The following KIRREL3 variants were observed in gnomAD, a reference collection of about 807,000 sequenced individuals.
KIRREL3 encodes kin of IRRE-like protein 3.
Under a neutral mutation model 89.7 loss-of-function variants are expected in KIRREL3, and 36 were observed. The ratio of observed to expected loss-of-function variants is 0.40; its 90% CI spans 0.31 to 0.53. KIRREL3 has a LOEUF of 0.53. KIRREL3 is among the 20% of genes least tolerant of loss of function. KIRREL3 has a pLI of 0.49. For missense variants in KIRREL3, 864 were observed against 1,056.6 expected, an observed-to-expected ratio of 0.82 and a Z score of 2.53; for synonymous variants, 445 against 441.4, an observed-to-expected ratio of 1.01 and a Z score of -0.10.
rs1248068471 is a variant in KIRREL3 at position 126,578,392 on chromosome 11, G to T, written c.56-15480C>A. 6.6e-6 allele frequency among the ~76,000 whole-genome samples: 1 copy of T among 152,198 alleles called. No individual in the cohort carries two copies. The highest frequency in any genetic ancestry group is 1.5e-5 in the Non-Finnish European group (1 of 68,042). On this transcript the variant is annotated intron_variant, in intron 1 of 16. Coordinates refer to ENST00000525144, the MANE Select transcript of KIRREL3 (RefSeq NM_032531.4). The surrounding 1 kb of genome is among the most constrained non-coding windows in gnomAD (Gnocchi z 4.9). ...ATTGGAAGAGATCCTTGGTTCACAC[G>T]CTAGGAAAGAAAAGGGATGATCTTG...
rs115352660 is a variant in KIRREL3, at chr11:126,802,650, C to G, written c.55+197805G>C. Among the ~76,000 whole-genome samples, 4,737 of 152,222 alleles carry G rather than the reference C, an allele frequency of 0.031. 233 individuals are homozygous for G. The highest frequency in any genetic ancestry group is 0.11 in the African/African-American group (4,455 of 41,528). On this transcript the variant is annotated intron_variant, in intron 1 of 16. Coordinates refer to ENST00000525144, the MANE Select transcript of KIRREL3 (RefSeq NM_032531.4). The surrounding 1 kb of genome is among the most constrained non-coding windows in gnomAD (Gnocchi z 5.2). ...CTGTCGGGGGCTGGCTCCCGCCTGG[C>G]ACCCTGAGCTGCTGGGACAGGCTCT...
At chr11:126,716,623 C>T (rs1947971042) in intron 1 of KIRREL3, among the ~76,000 whole-genome samples, 1 of 152,044 alleles carries the variant, frequency 6.6e-6, no homozygotes, top group South Asian at 2.1e-4. Flanking sequence ...CTGTGAAAAC[C>T]TGGGCCTCCA....
Position 126,427,461 on chromosome 11 carries a change from A to G in KIRREL3, c.1806+1718T>C, listed in dbSNP as rs888122621. 2.0e-5 allele frequency among the ~76,000 whole-genome samples: 3 copies of G among 152,260 alleles called. No homozygotes were observed. The highest frequency in any genetic ancestry group is 4.4e-5 in the Non-Finnish European group (3 of 68,052). On this transcript the variant is annotated intron_variant, in intron 15 of 16. Transcript: ENST00000525144. The surrounding 1 kb of genome is among the most constrained non-coding windows in gnomAD (Gnocchi z 5.3). ...GGGGTGGGGAGGACAAGCCCGGAACATCTTGGAGTTGATTGTTATGGGAGA... is the reference window on the plus strand; with the variant it reads ...GGGGTGGGGAGGACAAGCCCGGAACGTCTTGGAGTTGATTGTTATGGGAGA...
chr11:126,835,200 C>T (rs2134502264), intron 1 of KIRREL3, among the ~76,000 whole-genome samples: 1 of 152,272 alleles, frequency 6.6e-6, no homozygotes, highest in South Asian at 2.1e-4. Context: ...TCTATACCTC[C>T]CAGGGCTTGG....
chr11:126,556,444 C>A (rs903239000), intron 2 of KIRREL3, among the ~76,000 whole-genome samples: 1 of 151,992 alleles, frequency 6.6e-6, no homozygotes, highest in East Asian at 1.9e-4. Flanking sequence ...GGTTTGAGAC[C>A]AGTCTGGGCA....
intron 1 of KIRREL3, among the ~76,000 whole-genome samples, chr11:126,700,352 G>A (rs891240548): frequency 3.3e-5 from 5 of 152,152 alleles, no homozygotes; most frequent in Admixed American, 6.5e-5. Context: ...AAGAGGCAGC[G>A]TACCACCTTA....
chr11:126,724,623 C>T lies in KIRREL3; in HGVS notation c.56-161711G>A, dbSNP rs1262953090. On this transcript the variant is annotated intron_variant, in intron 1 of 16. Transcript: ENST00000525144. This position sits in a 1 kb window ranked among gnomAD's most constrained non-coding sequence, Gnocchi z 4.3. ...CAGCTGCTCTGTAGATATGTCATGTCGAGATTGAATTCAGGTATAGTTTTA... is the reference window on the plus strand; with the variant it reads ...CAGCTGCTCTGTAGATATGTCATGTTGAGATTGAATTCAGGTATAGTTTTA... Among the ~76,000 whole-genome samples the T allele has an allele frequency of 2.0e-5, 3 of 152,160 alleles. No individual in the cohort carries two copies. Among genetic ancestry groups the T allele is most frequent in the African/African-American group, 7.2e-5 (3 of 41,448 alleles).
At chr11:126,517,136 A>AAAG (rs1958437412) in intron 4 of KIRREL3, among the ~76,000 whole-genome samples, 1 of 140,812 alleles carries the variant, frequency 7.1e-6, no homozygotes, top group African/African-American at 2.6e-5. Flanking sequence ...GAGAGAGAGA[A>AAAG]AGAGAGAGAG....
In KIRREL3 at chr11:126,912,642, C is replaced by G. The variant is rs1370974774; in HGVS notation, c.55+87813G>C. ...AAGAACTTCACCTTCCTTCAAGAGG[C>G]CATGCTGGGTAGCAATGGGGCTCCT... On this transcript the variant is annotated intron_variant, in intron 1 of 16. Coordinates refer to ENST00000525144, the MANE Select transcript of KIRREL3 (RefSeq NM_032531.4). The surrounding 1 kb of genome is among the most constrained non-coding windows in gnomAD (Gnocchi z 4.7). 6.6e-6 allele frequency among the ~76,000 whole-genome samples: 1 copy of G among 152,208 alleles called. No individual in the cohort carries two copies. Among genetic ancestry groups the G allele is most frequent in the Non-Finnish European group, 1.5e-5 (1 of 68,038 alleles).
Position 126,544,818 on chromosome 11 carries a change from C to T in KIRREL3, c.133+18017G>A, listed in dbSNP as rs575934003. Among the ~76,000 whole-genome samples, 74 of 152,220 alleles carry T rather than the reference C, an allele frequency of 4.9e-4. No homozygotes were observed. In the South Asian group the frequency reaches 7.5e-3, roughly 15 times the overall value. On this transcript the variant is annotated intron_variant, in intron 2 of 16. Transcript: ENST00000525144. This position sits in a 1 kb window ranked among gnomAD's most constrained non-coding sequence, Gnocchi z 5.6. ...AAGCAGCCATTCCTGGACACTTGGC[C>T]GACATTCCTGGCCTTAATCTGCTTG...
chr11:126,755,878 C>G lies in KIRREL3; in HGVS notation c.56-192966G>C, dbSNP rs56061882. Among the ~76,000 whole-genome samples, 3 of 148,832 alleles carry G rather than the reference C, an allele frequency of 2.0e-5. No homozygotes were observed. The highest frequency in any genetic ancestry group is 4.0e-4 in the East Asian group (2 of 5,028). ...GAGGGAGAGAGGGAGAGAGAAAAAA[C>G]AGAGAGAGAGAGAGAGAGAGAAGAC... is the stretch of plus-strand genomic sequence containing the variant. On this transcript the variant is annotated intron_variant, in intron 1 of 16. Coordinates refer to ENST00000525144, the MANE Select transcript of KIRREL3 (RefSeq NM_032531.4). The surrounding 1 kb of genome is among the most constrained non-coding windows in gnomAD (Gnocchi z 4.3).
chr11:126,435,193 C>T (rs1254006808), intron 13 of KIRREL3, 75 bp downstream of exon 13: 2 of 1,518,992 alleles, frequency 1.3e-6, no homozygotes, highest in East Asian at 4.5e-5. Context: ...CTACCCCCTG[C>T]TGGGTTCCCT....
chr11:126,716,735 A>AGTGT lies in KIRREL3; in HGVS notation c.56-153827_56-153824dup, dbSNP rs1328812128. Among the ~76,000 whole-genome samples the AGTGT allele has an allele frequency of 1.2e-4, 6 of 50,330 alleles. No homozygotes were observed. The South Asian group carries it at 6.1e-3, about 51-fold the overall frequency. 33.0% of individuals were successfully genotyped at this position (50,330 alleles called of 152,430 possible). A position where few individuals can be genotyped will look rare whatever the true frequency, so the allele number is the denominator to read the frequency against. ...ATTTACTAGCCTGAGTGTGAGTGTG[A>AGTGT]GTGTGTGTGTGTTGGGGGGGGGGGG... On this transcript the variant is annotated intron_variant, in intron 1 of 16. Transcript: ENST00000525144.
chr11:126,693,384 G>T (rs2135139862), intron 1 of KIRREL3, among the ~76,000 whole-genome samples: 1 of 152,262 alleles, frequency 6.6e-6, no homozygotes, highest in East Asian at 1.9e-4. Context: ...TTGCGCCATT[G>T]TACTCCAGCC....
chr11:126,463,246 T>C lies in KIRREL3; in HGVS notation c.653A>G (p.Asp218Gly). ...IVSTLFISPG[D>G]VENGQSIVCR... ...CACGATGCTCTGGCCATTCTCCACG[T>C]CACCAGGGGAGATGAAGAGGGTGCT... The change falls in exon 6 of 17, where the codon GAC becomes GGC. Residue 218 changes from aspartate (D) to glycine (G), a missense_variant. Asp to Gly is a moderately conservative substitution (Grantham distance 94). Transcript: ENST00000525144. The surrounding 1 kb of genome is among the most constrained non-coding windows in gnomAD (Gnocchi z 5.9). The C allele has an allele frequency of 6.2e-7, 1 of 1,613,850 alleles. No homozygotes were observed. Among genetic ancestry groups the C allele is most frequent in the African/African-American group, 1.3e-5 (1 of 75,040 alleles).
chr11:126,781,118 G>A (rs1003579935), intron 1 of KIRREL3, among the ~76,000 whole-genome samples: 1 of 152,084 alleles, frequency 6.6e-6, no homozygotes, highest in African/African-American at 2.4e-5. Flanking sequence ...GTGTGAGTGG[G>A]GGTCACGTTT....
chr11:126,426,231 G>A (rs532673518), intron 15 of KIRREL3, among the ~76,000 whole-genome samples: 87 of 152,368 alleles, frequency 5.7e-4, no homozygotes, highest in African/African-American at 2.0e-3. Flanking sequence ...CAGGCCTAGT[G>A]CAGGCCTTAG....
At chr11:126,907,899 C>T (rs996081919) in intron 1 of KIRREL3, among the ~76,000 whole-genome samples, 1 of 152,164 alleles carries the variant, frequency 6.6e-6, no homozygotes, top group African/African-American at 2.4e-5. Flanking sequence ...TCACCCTCTG[C>T]CTGGAATGCT....
chr11:126,680,397 G>GATATATATATATATATAT (rs150251599), intron 1 of KIRREL3, among the ~76,000 whole-genome samples: 4 of 144,174 alleles, frequency 2.8e-5, no homozygotes, highest in African/African-American at 1.1e-4. Flanking sequence ...TTCTACTGGA[G>GATATATATATATATATAT]ATATATATAT....
Sources: allele counts gnomAD v4.1 joint callset (sites outside exome capture counted in the v4.1 genomes callset), GRCh38; gene constraint gnomAD v4.1.1; non-coding constraint Gnocchi (gnomAD v3.1); transcripts MANE v1.5; gene names NCBI Gene and HGNC (gene_info 2026-07-23, HGNC 2026-07-21).